LAT2: variants seen among roughly 807,000 people sequenced by gnomAD.
The protein encoded by LAT2 is linker for activation of T cells family member 2.
In LAT2, 23 loss-of-function variants were observed where a neutral mutation model predicts 43.4. The ratio of observed to expected loss-of-function variants is 0.53; its 90% confidence interval spans 0.38 to 0.75. LAT2 has a LOEUF of 0.75. Among genes scored for constraint, LAT2 ranks in the 30% least tolerant of loss-of-function variants. The pLI, the probability that LAT2 is intolerant of heterozygous loss-of-function variation, is 0.00. For synonymous variants in LAT2, 128 were observed against 123.2 expected, an observed-to-expected ratio of 1.04 and a Z score of -0.26; for missense variants, 284 against 310.2, an observed-to-expected ratio of 0.92 and a Z score of 0.64.
At chr7:74,212,012 T>C (rs1801751612) in intron 1 of LAT2, among the ~76,000 whole-genome samples, 1 of 152,140 alleles carries the variant, frequency 6.6e-6, no homozygotes, top group African/African-American at 2.4e-5. Context: ...GGTGTGATCT[T>C]GGCTCACTGC....
chr7:74,220,295 G>A lies in LAT2; in HGVS notation c.265+41G>A. On this transcript the variant is annotated intron_variant, in intron 7 of 13. Transcript: ENST00000460943. This position sits in a 1 kb window ranked among gnomAD's most constrained non-coding sequence, Gnocchi z 4.5. ...CAGGGACAGGGACAGGCCTAGCCAA[G>A]CTGGGACTAAGACAGGCGAAAACCC... 6.3e-7 allele frequency: 1 copy of A among 1,593,212 alleles called. No individual in the cohort carries two copies. The highest frequency in any genetic ancestry group is 8.6e-7 in the Non-Finnish European group (1 of 1,167,680).
chr7:74,220,440 TCGCA>T lies in LAT2; in HGVS notation c.266-142_266-139del. 1 of 1,239,172 alleles carries T rather than the reference TCGCA, an allele frequency of 8.1e-7. No individual in the cohort carries two copies. Among genetic ancestry groups the T allele is most frequent in the Non-Finnish European group, 1.2e-6 (1 of 862,470 alleles). The allele number at this position is 1,239,172 out of a possible 1,614,324, so 76.8% of individuals were successfully genotyped here. A position where few individuals can be genotyped will look rare whatever the true frequency, so the allele number is the denominator to read the frequency against. The stretch of plus-strand genomic sequence containing the variant: ...GGCCTGGCAGGGGGAGGGTGCACAC[TCGCA>T]CATGCCCCACTGAGGGGACAGGGAG... On this transcript the variant is annotated intron_variant, in intron 7 of 13. Coordinates refer to ENST00000460943, the MANE Select transcript of LAT2 (RefSeq NM_032464.3). This position sits in a 1 kb window ranked among gnomAD's most constrained non-coding sequence, Gnocchi z 4.5.
At chr7:74,212,979 G>A (rs183349007) in intron 1 of LAT2, among the ~76,000 whole-genome samples, 36 of 152,260 alleles carry the variant, frequency 2.4e-4, no homozygotes, top group Non-Finnish European at 2.4e-4. Flanking sequence ...TCATCTTACC[G>A]CAGGGATTTG....
At chr7:74,228,778 G>A (rs1802588776) in intron 13 of LAT2, among the ~76,000 whole-genome samples, 166 bp from the exon 14 acceptor site, 1 of 151,142 alleles carries the variant, frequency 6.6e-6, no homozygotes, top group Non-Finnish European at 1.5e-5. Flanking sequence ...GACAGAGTGA[G>A]ACTCCATCTC....
rs185122291 is a variant in LAT2, at chr7:74,213,713, A to G, written c.-218-1109A>G. Among the ~76,000 whole-genome samples the G allele has an allele frequency of 5.4e-3, 823 of 151,942 alleles. 3 individuals carry two copies. Among genetic ancestry groups the G allele is most frequent in the Non-Finnish European group, 7.7e-3 (523 of 67,946 alleles). On this transcript the variant is annotated intron_variant, in intron 1 of 13. Transcript: ENST00000460943. ...GCTGGGATTACAGGCGTGAGCCACCACGCCCTGCTGGAGCTCCTCCCTTTT... is the reference window on the plus strand; with the variant it reads ...GCTGGGATTACAGGCGTGAGCCACCGCGCCCTGCTGGAGCTCCTCCCTTTT...
In LAT2 at chr7:74,229,604, GTGC is replaced by G. The variant is rs1802616347; in HGVS notation, c.*680_*682del. On this transcript the variant is annotated 3_prime_UTR_variant, in exon 14 of 14. Transcript: ENST00000460943. ...GAAATGTCACTTGCTACAGACAATAGTGCATGAGAGTCTAGAGAAGTAGTGACC... is the reference window on the plus strand; with the variant it reads ...GAAATGTCACTTGCTACAGACAATAGATGAGAGTCTAGAGAAGTAGTGACC... 1 of 152,678 alleles carries G rather than the reference GTGC, an allele frequency of 6.5e-6. No homozygotes were observed. The highest frequency in any genetic ancestry group is 2.4e-5 in the African/African-American group (1 of 41,458). The allele number at this position is 152,678 out of a possible 1,614,324, so 9.5% of individuals were successfully genotyped here.
chr7:74,227,603 G>A (rs782522550), intron 13 of LAT2, among the ~76,000 whole-genome samples: 6 of 152,200 alleles, frequency 3.9e-5, no homozygotes, highest in Non-Finnish European at 8.8e-5. Context: ...GGTACTGGGA[G>A]AGTGGGTACA....
chr7:74,219,029 T>C (rs1233272958), intron 4 of LAT2, among the ~76,000 whole-genome samples: 1 of 115,396 alleles, frequency 8.7e-6, no homozygotes, highest in African/African-American at 3.9e-5. Context: ...TTTTTTTTTT[T>C]TTTTTTTTTT....
chr7:74,223,461 C>A (rs1160177421), intron 10 of LAT2, among the ~76,000 whole-genome samples: 1 of 152,110 alleles, frequency 6.6e-6, no homozygotes, highest in Non-Finnish European at 1.5e-5. Context: ...TGCTCTCCAG[C>A]CTGGGTGACA....
At chr7:74,219,210 G>C (rs1802165249) in intron 4 of LAT2, among the ~76,000 whole-genome samples, 1 of 151,944 alleles carries the variant, frequency 6.6e-6, no homozygotes, top group South Asian at 2.1e-4. Context: ...CTAATTTTTT[G>C]TATTTTTAGT....
At position 74,215,935 on chromosome 7, in the gene LAT2, C is replaced by T; in HGVS notation, c.-29-12C>T. 1 of 1,589,674 alleles carries T rather than the reference C, an allele frequency of 6.3e-7. No individual in the cohort carries two copies. The highest frequency in any genetic ancestry group is 8.6e-7 in the Non-Finnish European group (1 of 1,157,976). On this transcript the variant is annotated splice_polypyrimidine_tract_variant and intron_variant, in intron 2 of 13. Transcript: ENST00000460943. Reference sequence around the variant, plus strand: ...AAAGGGGCCCCTTGCTCACGGGCACCTCCCATTTCAGCATCACAAGAGGCA... The same window carrying T: ...AAAGGGGCCCCTTGCTCACGGGCACTTCCCATTTCAGCATCACAAGAGGCA...
At chr7:74,211,138 G>A (rs1207541355) in intron 1 of LAT2, among the ~76,000 whole-genome samples, 7 of 128,286 alleles carry the variant, frequency 5.5e-5, no homozygotes, top group Admixed American at 4.0e-4. Flanking sequence ...TCCCCACCCC[G>A]CCCAGCCCTG....
At chr7:74,216,108 TG>T (rs782371675) in intron 3 of LAT2, 39 bp downstream of exon 3, 1 of 1,537,962 alleles carries the variant, frequency 6.5e-7, no homozygotes, top group Non-Finnish European at 8.8e-7. Flanking sequence ...GGAGAAGGTG[TG>T]GACAGTGCAT....
At chr7:74,211,317 T>C (rs782135490) in intron 1 of LAT2, among the ~76,000 whole-genome samples, 1 of 152,106 alleles carries the variant, frequency 6.6e-6, no homozygotes, top group Non-Finnish European at 1.5e-5. Context: ...CACTCTGTTG[T>C]CCAGGCTGGA....
Position 74,220,463 on chromosome 7 carries a change from C to A in LAT2, c.266-121C>A. On this transcript the variant is annotated intron_variant, in intron 7 of 13. Coordinates refer to ENST00000460943, the MANE Select transcript of LAT2 (RefSeq NM_032464.3). The surrounding 1 kb of genome is among the most constrained non-coding windows in gnomAD (Gnocchi z 4.5). ...ACTCGCACATGCCCCACTGAGGGGACAGGGAGCACTGCAAAGGCTCAGACA... is the reference window on the plus strand; with the variant it reads ...ACTCGCACATGCCCCACTGAGGGGAAAGGGAGCACTGCAAAGGCTCAGACA... 1 of 1,354,014 alleles carries A rather than the reference C, an allele frequency of 7.4e-7. No individual in the cohort carries two copies. Among genetic ancestry groups the A allele is most frequent in the Non-Finnish European group, 1.0e-6 (1 of 958,316 alleles). The allele number at this position is 1,354,014 out of a possible 1,614,324, so 83.9% of individuals were successfully genotyped here.
intron 13 of LAT2, chr7:74,225,031 C>T (rs368111149): frequency 8.9e-5 from 25 of 280,840 alleles, no homozygotes; most frequent in South Asian, 2.7e-4. Context: ...CTCCTGGCTG[C>T]GACCTTGGAC....
intron 4 of LAT2, among the ~76,000 whole-genome samples, chr7:74,217,115 C>T (rs1158119531): frequency 6.6e-6 from 1 of 152,124 alleles, no homozygotes. Flanking sequence ...CACTCTTCAG[C>T]TTGCCTGTGA....
intron 13 of LAT2, among the ~76,000 whole-genome samples, chr7:74,227,698 C>T (rs1227314266): frequency 2.0e-5 from 3 of 152,146 alleles, no homozygotes; most frequent in Admixed American, 6.6e-5. Flanking sequence ...CATGGTGAAA[C>T]GCTGTCTCTA....
Position 74,229,653 on chromosome 7 carries a change from C to T in LAT2, c.*728C>T, listed in dbSNP as rs1380382911. On this transcript the variant is annotated 3_prime_UTR_variant, in exon 14 of 14. Transcript: ENST00000460943. ...TGACCAGAACAGGGCAGAGTAGGTC[C>T]CCTCCATGGCCCTGAATCCTCCTCT... is the stretch of plus-strand genomic sequence containing the variant. The T allele has an allele frequency of 6.6e-6, 1 of 152,406 alleles. No homozygotes were observed. The highest frequency in any genetic ancestry group is 1.5e-5 in the Non-Finnish European group (1 of 68,074). The allele number at this position is 152,406 out of a possible 1,614,324, so 9.4% of individuals were successfully genotyped here.
Sources: gnomAD v4.1 joint callset for allele counts (sites outside exome capture counted in the v4.1 genomes callset) on GRCh38, gnomAD v4.1.1 for gene constraint, Gnocchi (gnomAD v3.1) non-coding constraint, MANE v1.5 for transcripts, NCBI Gene and HGNC (gene_info 2026-07-23, HGNC 2026-07-21) for gene names.